TEC: variants seen among roughly 807,000 people sequenced by gnomAD.
TEC encodes tec protein tyrosine kinase.
In TEC, 72 loss-of-function variants were observed where a neutral mutation model predicts 93.0. That is an observed-to-expected ratio of 0.77 (90% CI 0.64 to 0.94). The LOEUF (loss-of-function observed/expected upper bound fraction) is 0.94. Ranked by LOEUF, TEC falls within the 40% of genes least tolerant of loss-of-function variation. The pLI is 0.00. For synonymous variants in TEC, 249 were observed against 247.7 expected (o/e 1.01, Z -0.05); for missense variants, 630 against 757.9 (o/e 0.83, Z 1.98).
At chr4:48,238,380 A>C (rs1723839363) in intron 1 of TEC, among the ~76,000 whole-genome samples, 1 of 152,224 alleles carries the variant, frequency 6.6e-6, no homozygotes, top group Non-Finnish European at 1.5e-5. Flanking sequence ...GAAGGTAGAC[A>C]CCTTGAACAG....
intron 1 of TEC, among the ~76,000 whole-genome samples, chr4:48,231,709 A>G (rs1723652517): frequency 1.3e-5 from 2 of 152,068 alleles, no homozygotes; most frequent in Admixed American, 1.3e-4. Flanking sequence ...GTGAGCCAAG[A>G]TCGCACCACT....
chr4:48,177,311 C>T (rs1721370502), intron 2 of TEC, among the ~76,000 whole-genome samples: 1 of 152,116 alleles, frequency 6.6e-6, no homozygotes, highest in African/African-American at 2.4e-5. Flanking sequence ...TGCATAAAGA[C>T]TAAGGTTACT....
At chr4:48,185,406 T>C (rs190541624) in intron 2 of TEC, among the ~76,000 whole-genome samples, 1 of 152,222 alleles carries the variant, frequency 6.6e-6, no homozygotes, top group Non-Finnish European at 1.5e-5. Context: ...ATTTTTTACA[T>C]AGAGCTTTCT....
At chr4:48,226,711 G>T (rs190526540) in intron 2 of TEC, among the ~76,000 whole-genome samples, 2 of 151,958 alleles carry the variant, frequency 1.3e-5, no homozygotes, top group Non-Finnish European at 2.9e-5. Context: ...TTAAGTTTGC[G>T]GGGGGAGTCA....
At chr4:48,186,492 G>A (rs989978365) in intron 2 of TEC, among the ~76,000 whole-genome samples, 3 of 146,836 alleles carry the variant, frequency 2.0e-5, no homozygotes, top group Non-Finnish European at 4.5e-5. Flanking sequence ...TGTGAGGAGC[G>A]CCTCTGCCTG....
At chr4:48,175,577 G>A (rs1337250722) in intron 3 of TEC, among the ~76,000 whole-genome samples, 1 of 152,166 alleles carries the variant, frequency 6.6e-6, no homozygotes, top group Non-Finnish European at 1.5e-5. Context: ...TCCTCTTCTG[G>A]AGAGGAGATG....
chr4:48,222,225 C>A (rs943314586), intron 2 of TEC, among the ~76,000 whole-genome samples: 1 of 151,802 alleles, frequency 6.6e-6, no homozygotes, highest in Non-Finnish European at 1.5e-5. Context: ...AGCAAAGGCA[C>A]GATGTGAAAG....
At chr4:48,153,408 A>C (rs1311137690) in intron 9 of TEC, 1 of 152,200 alleles carries the variant, frequency 6.6e-6, no homozygotes, top group Non-Finnish European at 1.5e-5. Context: ...GAACTCAGAG[A>C]TTGCAAAGAC....
At chr4:48,159,596 T>C (rs2464502) in intron 8 of TEC, among the ~76,000 whole-genome samples, 120,764 of 148,704 alleles carry the variant, frequency 0.81, 49,162 homozygotes, top group East Asian at 0.92. Flanking sequence ...ACACTTGTTG[T>C]CCAGGCTGGA....
chr4:48,138,664 C>A lies in TEC; in HGVS notation c.1812+1G>T. On this transcript the variant is annotated splice_donor_variant, in intron 17 of 17. Coordinates refer to ENST00000381501, the MANE Select transcript of TEC (RefSeq NM_003215.3). LOFTEE classifies it high-confidence loss of function. ...AAAGAAAGCACACAAAAAATCTATA[C>A]CTCCTGCCAACATCTCAGCATCACC... The A allele has an allele frequency of 6.3e-7, 1 of 1,597,504 alleles. No homozygotes were observed. Among genetic ancestry groups the A allele is most frequent in the Non-Finnish European group, 8.5e-7 (1 of 1,174,260 alleles).
chr4:48,234,876 A>G (rs1723743784), intron 1 of TEC, among the ~76,000 whole-genome samples: 1 of 152,180 alleles, frequency 6.6e-6, no homozygotes, highest in African/African-American at 2.4e-5. Context: ...CTACAATTGA[A>G]AAAGCAAGAA....
chr4:48,230,759 A>G (rs543236580), intron 1 of TEC, among the ~76,000 whole-genome samples: 1 of 152,212 alleles, frequency 6.6e-6, no homozygotes, highest in South Asian at 2.1e-4. Flanking sequence ...CTCCAATCAA[A>G]ATAGTCTTCC....
intron 15 of TEC, among the ~76,000 whole-genome samples, chr4:48,139,665 T>A (rs1719580686): frequency 6.6e-6 from 1 of 152,230 alleles, no homozygotes; most frequent in Non-Finnish European, 1.5e-5. Context: ...CAAAAACTGG[T>A]AACAGTAGCT....
At chr4:48,198,356 A>C (rs959633480) in intron 2 of TEC, among the ~76,000 whole-genome samples, 1 of 152,200 alleles carries the variant, frequency 6.6e-6, no homozygotes, top group African/African-American at 2.4e-5. Flanking sequence ...CAGGTGGGCT[A>C]ACTAGGCATA....
chr4:48,253,834 C>G (rs186429066), intron 1 of TEC, among the ~76,000 whole-genome samples: 328 of 152,198 alleles, frequency 2.2e-3, no homozygotes, highest in Non-Finnish European at 3.4e-3. Context: ...CTAGGCCCCC[C>G]CAAAGCGCTG....
In TEC at chr4:48,269,835, G is replaced by C. The variant is rs1174355197; in HGVS notation, c.-129C>G. The C allele has an allele frequency of 6.6e-6, 1 of 152,198 alleles. No individual in the cohort carries two copies. Among genetic ancestry groups the C allele is most frequent in the African/African-American group, 2.4e-5 (1 of 41,410 alleles). The allele number at this position is 152,198 out of a possible 1,614,324, so 9.4% of individuals were successfully genotyped here. A position where few individuals can be genotyped will look rare whatever the true frequency, so the allele number is the denominator to read the frequency against. ...GCGGAGTCCGGAGCCTAGCGCCCCAGAGTCCAGAGCAAAGCGCCCCGCCCC... is the reference window on the plus strand; with the variant it reads ...GCGGAGTCCGGAGCCTAGCGCCCCACAGTCCAGAGCAAAGCGCCCCGCCCC... On this transcript the variant is annotated 5_prime_UTR_variant, in exon 1 of 18. Transcript: ENST00000381501.
chr4:48,236,670 G>A (rs920388711), intron 1 of TEC, among the ~76,000 whole-genome samples: 6 of 152,108 alleles, frequency 3.9e-5, no homozygotes, highest in Admixed American at 3.3e-4. Context: ...TATTCCCTTT[G>A]CCTTGGCGGC....
At chr4:48,247,978 A>G (rs188200849) in intron 1 of TEC, among the ~76,000 whole-genome samples, 1 of 152,350 alleles carries the variant, frequency 6.6e-6, no homozygotes, top group East Asian at 1.9e-4. Context: ...GAAAGTGGAA[A>G]ACAGAGTGGA....
intron 2 of TEC, among the ~76,000 whole-genome samples, chr4:48,196,176 C>A (rs551573209): frequency 2.6e-5 from 4 of 152,238 alleles, no homozygotes; most frequent in Non-Finnish European, 4.4e-5. Flanking sequence ...GACTGGCATG[C>A]AAGTTAGTAG....
Sources: allele counts gnomAD v4.1 joint callset (sites outside exome capture counted in the v4.1 genomes callset), GRCh38; gene constraint gnomAD v4.1.1; transcripts MANE v1.5; gene names NCBI Gene and HGNC (gene_info 2026-07-23, HGNC 2026-07-21).